Variants in DISC1 observed in about 807,000 individuals in gnomAD.
DISC1 encodes DISC1 scaffold protein, also known as disrupted in schizophrenia 1 protein.
DISC1 carries 57 observed loss-of-function variants against 84.5 expected under a neutral mutation model. The ratio of observed to expected loss-of-function variants is 0.67; its 90% CI spans 0.55 to 0.84. The LOEUF is 0.84. DISC1 is among the 40% of genes least tolerant of loss of function. DISC1 has a pLI of 0.00. For synonymous variants in DISC1, 411 were observed against 415.2 expected (o/e 0.99, Z 0.12); for missense variants, 1,000 against 1,057.8 (o/e 0.95, Z 0.76).
intron 10 of DISC1, among the ~76,000 whole-genome samples, chr1:231,984,099 T>A (rs983503672): frequency 5.3e-5 from 8 of 152,348 alleles, no homozygotes; most frequent in Admixed American, 4.6e-4. Context: ...CTCCATAAAG[T>A]CATTACTGAT....
chr1:231,632,986 G>A (rs937103236), intron 1 of DISC1, among the ~76,000 whole-genome samples: 4 of 152,246 alleles, frequency 2.6e-5, no homozygotes, highest in Middle Eastern at 3.4e-3. Context: ...CTGGAGAATC[G>A]CTTGAACCTG....
intron 9 of DISC1, among the ~76,000 whole-genome samples, chr1:231,849,529 T>C (rs543150773): frequency 6.6e-6 from 1 of 152,132 alleles, no homozygotes; most frequent in African/African-American, 2.4e-5. Flanking sequence ...ATGATGATGA[T>C]GGTGGTGTGT....
intron 8 of DISC1, among the ~76,000 whole-genome samples, chr1:231,804,884 C>T (rs981919431): frequency 6.6e-6 from 1 of 152,062 alleles, no homozygotes; most frequent in Non-Finnish European, 1.5e-5. Context: ...ATGATTAAAA[C>T]CAGACTTTAG....
chr1:231,863,404 T>G (rs2125928962), intron 9 of DISC1, among the ~76,000 whole-genome samples: 1 of 151,456 alleles, frequency 6.6e-6, no homozygotes, highest in East Asian at 1.9e-4. Flanking sequence ...CTAATTTTTG[T>G]ACTTTTAGTA....
At chr1:231,915,540 T>C (rs2089558709) in intron 9 of DISC1, among the ~76,000 whole-genome samples, 1 of 152,044 alleles carries the variant, frequency 6.6e-6, no homozygotes, top group Admixed American at 6.5e-5. Flanking sequence ...TCCCAGCACT[T>C]TGGGAGGCTG....
chr1:231,887,913 C>G (rs2086893128), intron 9 of DISC1, among the ~76,000 whole-genome samples: 1 of 152,216 alleles, frequency 6.6e-6, no homozygotes, highest in South Asian at 2.1e-4. Context: ...TAACAAAACA[C>G]TATACCGTTG....
At chr1:231,864,522 G>T (rs1273029652) in intron 9 of DISC1, among the ~76,000 whole-genome samples, 2 of 152,154 alleles carry the variant, frequency 1.3e-5, no homozygotes, top group African/African-American at 4.8e-5. Flanking sequence ...AATTAGCTGG[G>T]TGTGGTGGTG....
At chr1:231,790,779 A>T (rs567243065) in intron 6 of DISC1, among the ~76,000 whole-genome samples, 1 of 152,070 alleles carries the variant, frequency 6.6e-6, no homozygotes, top group Non-Finnish European at 1.5e-5. Context: ...CGGCCTCCCA[A>T]AGTGCTGGGA....
At chr1:231,950,785 C>T (rs1379890629) in intron 9 of DISC1, among the ~76,000 whole-genome samples, 1 of 152,170 alleles carries the variant, frequency 6.6e-6, no homozygotes, top group Non-Finnish European at 1.5e-5. Flanking sequence ...TATAAGCACT[C>T]GCCACATAGC....
At chr1:231,660,107 TAGTCTA>T (rs2061451640) in intron 1 of DISC1, among the ~76,000 whole-genome samples, 1 of 152,172 alleles carries the variant, frequency 6.6e-6, no homozygotes, top group Non-Finnish European at 1.5e-5. Context: ...GGAGTCTAAG[TAGTCTA>T]AGTGTGTCAT....
intron 9 of DISC1, among the ~76,000 whole-genome samples, chr1:231,835,369 A>G (rs906012465): frequency 2.6e-5 from 4 of 152,156 alleles, no homozygotes; most frequent in African/African-American, 9.7e-5. Flanking sequence ...GCGCTGTTTT[A>G]TAAGATTTGG....
intron 9 of DISC1, among the ~76,000 whole-genome samples, chr1:231,842,156 C>T (rs1257379640): frequency 6.6e-6 from 1 of 151,978 alleles, no homozygotes; most frequent in Non-Finnish European, 1.5e-5. Context: ...ACCACCATGC[C>T]TGGCTAATTT....
At chr1:231,749,699 C>T (rs1320401538) in intron 3 of DISC1, among the ~76,000 whole-genome samples, 1 of 152,006 alleles carries the variant, frequency 6.6e-6, no homozygotes, top group African/African-American at 2.4e-5. Context: ...TCAACAATGA[C>T]CTTTGAGAGT....
intron 9 of DISC1, among the ~76,000 whole-genome samples, chr1:231,860,823 C>G (rs534100814): frequency 2.6e-5 from 4 of 152,278 alleles, no homozygotes; most frequent in Admixed American, 2.6e-4. Context: ...CTCACTGATT[C>G]ATTCCTTGAA....
At chr1:231,776,479 G>C (rs2076972872) in intron 6 of DISC1, among the ~76,000 whole-genome samples, 1 of 152,216 alleles carries the variant, frequency 6.6e-6, no homozygotes, top group Non-Finnish European at 1.5e-5. Flanking sequence ...GGCTGGCTGG[G>C]CCTTGGTTGG....
intron 3 of DISC1, among the ~76,000 whole-genome samples, chr1:231,727,147 C>T (rs552896799): frequency 1.3e-5 from 2 of 152,026 alleles, no homozygotes; most frequent in African/African-American, 2.4e-5. Context: ...CATGATTATC[C>T]GTGGAATACT....
chr1:231,998,040 G>A (rs1192532012), intron 10 of DISC1, among the ~76,000 whole-genome samples: 1 of 152,162 alleles, frequency 6.6e-6, no homozygotes, highest in East Asian at 1.9e-4. Flanking sequence ...GAAGGATGTT[G>A]GAAACATGAC....
rs555117438 is a variant in DISC1, at chr1:231,959,211, C to T, written c.2042+323C>T. ...TTAGTCTGTTTTTCCCTTTTTTAAACTTTAGTGTTTGAGGGGGGTCTTAAG... is the reference window on the plus strand; with the variant it reads ...TTAGTCTGTTTTTCCCTTTTTTAAATTTTAGTGTTTGAGGGGGGTCTTAAG... On this transcript the variant is annotated intron_variant, in intron 10 of 12. Transcript: ENST00000439617. The T allele has an allele frequency of 3.2e-5, 33 of 1,024,342 alleles. No homozygotes were observed. In the African/African-American group the frequency reaches 5.0e-4, roughly 15 times the overall value. The allele number at this position is 1,024,342 out of a possible 1,614,324, so 63.5% of individuals were successfully genotyped here. A position where few individuals can be genotyped will look rare whatever the true frequency, so the allele number is the denominator to read the frequency against.
chr1:231,903,032 C>G (rs988735976), intron 9 of DISC1, among the ~76,000 whole-genome samples: 1 of 151,696 alleles, frequency 6.6e-6, no homozygotes, highest in Non-Finnish European at 1.5e-5. Flanking sequence ...CTCTCTTCCT[C>G]CTCCTCCTCT....
Sources: gnomAD v4.1 joint callset for allele counts (sites outside exome capture counted in the v4.1 genomes callset) on GRCh38, gnomAD v4.1.1 for gene constraint, MANE v1.5 for transcripts, NCBI Gene and HGNC (gene_info 2026-07-23, HGNC 2026-07-21) for gene names.